MAP3K20: variants seen among roughly 807,000 people sequenced by gnomAD.
MAP3K20 encodes the protein HCCS-4.
Under a neutral mutation model 85.7 loss-of-function variants are expected in MAP3K20, and 40 were observed. The observed-to-expected ratio is 0.47, with a 90% CI of 0.36 to 0.61. The LOEUF (loss-of-function observed/expected upper bound fraction) is 0.61. MAP3K20 is among the 20% of genes least tolerant of loss of function. The pLI is 0.00. For synonymous variants in MAP3K20, 325 were observed against 327.7 expected (o/e 0.99, Z 0.09); for missense variants, 817 against 961.7 (o/e 0.85, Z 1.99).
chr2:173,098,143 C>T (rs181614875), intron 2 of MAP3K20, among the ~76,000 whole-genome samples: 1,833 of 152,222 alleles, frequency 0.012, 23 homozygotes, highest in Middle Eastern at 0.024. Flanking sequence ...GGGACCAATA[C>T]AAATAAAAAT....
chr2:173,200,773 C>T (rs13313780), intron 8 of MAP3K20, among the ~76,000 whole-genome samples: 1 of 151,882 alleles, frequency 6.6e-6, no homozygotes, highest in Non-Finnish European at 1.5e-5. Flanking sequence ...GCCTGGGTGA[C>T]AGAGTGACAC....
intron 11 of MAP3K20, chr2:173,225,199 G>A (rs907562792): frequency 2.1e-6 from 2 of 965,240 alleles, no homozygotes; most frequent in African/African-American, 1.8e-5. Flanking sequence ...TGGGGCTAGG[G>A]CACATTTTTG....
intron 1 of MAP3K20, among the ~76,000 whole-genome samples, chr2:173,076,538 C>G (rs1686867519): frequency 6.6e-6 from 1 of 152,266 alleles, no homozygotes; most frequent in South Asian, 2.1e-4. Flanking sequence ...AACTCGACCG[C>G]GAGCGGTGTT....
chr2:173,217,938 A>G (rs1338910540), intron 11 of MAP3K20, among the ~76,000 whole-genome samples: 2 of 152,220 alleles, frequency 1.3e-5, no homozygotes, highest in African/African-American at 4.8e-5. Context: ...TATATTATTC[A>G]AGTCTAATCA....
At chr2:173,133,710 C>CTG (rs142780253) in intron 2 of MAP3K20, among the ~76,000 whole-genome samples, 2 of 151,816 alleles carry the variant, frequency 1.3e-5, no homozygotes, top group African/African-American at 2.4e-5. Context: ...TCCGAGGCTC[C>CTG]TGTGTGTGTG....
chr2:173,221,065 C>T, intron 11 of MAP3K20: 2 of 1,213,840 alleles, frequency 1.6e-6, no homozygotes, highest in Non-Finnish European at 1.1e-6. Context: ...TGTGTAGTGC[C>T]AACTAATTTT....
At chr2:173,161,507 T>TA (rs1466058881) in intron 2 of MAP3K20, among the ~76,000 whole-genome samples, 2 of 152,212 alleles carry the variant, frequency 1.3e-5, no homozygotes, top group African/African-American at 2.4e-5. Flanking sequence ...TATCATCAAA[T>TA]ACTGTTCATT....
chr2:173,162,798 A>T (rs1263297328), intron 2 of MAP3K20, among the ~76,000 whole-genome samples: 1 of 152,088 alleles, frequency 6.6e-6, no homozygotes, highest in Admixed American at 6.6e-5. Context: ...ATTGACATTC[A>T]TGGGCAAAAG....
At chr2:173,138,860 C>T (rs944931637) in intron 2 of MAP3K20, among the ~76,000 whole-genome samples, 2 of 152,214 alleles carry the variant, frequency 1.3e-5, no homozygotes, top group Non-Finnish European at 2.9e-5. Flanking sequence ...GTACTTCTAT[C>T]AGCTAGGGCC....
chr2:173,174,857 A>G lies in MAP3K20; in HGVS notation c.247+4965A>G, dbSNP rs146034403. Among the ~76,000 whole-genome samples, 133 of 152,276 alleles carry G rather than the reference A, an allele frequency of 8.7e-4. 2 individuals are homozygous for G. Among genetic ancestry groups the G allele is most frequent in the African/African-American group, 3.2e-3 (131 of 41,542 alleles). ...TGTTTGAAATATCATGCTTTGGGGA[A>G]ATCTCTGTATTATACTATCTCTGGA... On this transcript the variant is annotated intron_variant, in intron 3 of 19. Coordinates refer to ENST00000375213, the MANE Select transcript of MAP3K20 (RefSeq NM_016653.3).
At chr2:173,162,792 ACATTCATGGG>A (rs1366950266) in intron 2 of MAP3K20, among the ~76,000 whole-genome samples, 4 of 152,070 alleles carry the variant, frequency 2.6e-5, no homozygotes, top group Admixed American at 2.6e-4. Context: ...GGAGTAATTG[ACATTCATGGG>A]CAAAAGAAGT....
intron 16 of MAP3K20, among the ~76,000 whole-genome samples, chr2:173,250,283 T>G (rs1240729806): frequency 6.6e-6 from 1 of 152,242 alleles, no homozygotes; most frequent in Non-Finnish European, 1.5e-5. Flanking sequence ...ATAAATACTT[T>G]CTTTTCAGCA....
intron 2 of MAP3K20, among the ~76,000 whole-genome samples, chr2:173,167,884 C>A (rs1689881709): frequency 6.6e-6 from 1 of 151,872 alleles, no homozygotes; most frequent in African/African-American, 2.4e-5. Flanking sequence ...ATTCAGGTGC[C>A]CCAAAGAATA....
At chr2:173,207,778 C>T (rs749248740) in intron 9 of MAP3K20, 7 of 151,046 alleles carry the variant, frequency 4.6e-5, no homozygotes, top group South Asian at 2.1e-4. Flanking sequence ...GAACCTAATC[C>T]GCTTCAGAGG....
Position 173,239,449 on chromosome 2 carries a change from C to G in MAP3K20, c.1312C>G (p.Leu438Val), listed in dbSNP as rs780688121. 6.2e-7 allele frequency: 1 copy of G among 1,613,436 alleles called. No individual in the cohort carries two copies. Among genetic ancestry groups the G allele is most frequent in the African/African-American group, 1.3e-5 (1 of 74,888 alleles). Residue 438 changes from leucine to valine, a missense_variant, in exon 16 of 20, where the codon CTG (leucine) becomes GTG (valine). Physicochemically the swap from Leu to Val is conservative, Grantham distance 32. This residue lies in a region of MAP3K20 where 454 missense variants were observed against 476.9 expected (regional missense o/e 0.95). Transcript: ENST00000375213. The part of the protein sequence containing the change: ...PEENEEKIVN[L>V]ELVFGFHLKP... ...AGAAAATGAGGAAAAAATAGTGAAC[C>G]TGGAACTGGTTTTTGGTTTTCACTT...
intron 14 of MAP3K20, among the ~76,000 whole-genome samples, chr2:173,236,124 G>C (rs912045687): frequency 6.6e-6 from 1 of 152,036 alleles, no homozygotes; most frequent in African/African-American, 2.4e-5. Context: ...AAATTAGCCA[G>C]GCATGTGGTG....
intron 8 of MAP3K20, among the ~76,000 whole-genome samples, chr2:173,202,084 T>C (rs942170445): frequency 6.6e-6 from 1 of 152,208 alleles, no homozygotes; most frequent in African/African-American, 2.4e-5. Flanking sequence ...ATTGCAATTA[T>C]AGTCTACTTT....
intron 2 of MAP3K20, among the ~76,000 whole-genome samples, chr2:173,123,370 T>A (rs1026745784): frequency 2.6e-5 from 4 of 152,194 alleles, no homozygotes; most frequent in African/African-American, 9.7e-5. Flanking sequence ...CCACTATATA[T>A]TAACAAGGGT....
At chr2:173,087,196 T>A (rs1687167942) in intron 1 of MAP3K20, among the ~76,000 whole-genome samples, 2 of 152,264 alleles carry the variant, frequency 1.3e-5, no homozygotes, top group South Asian at 4.1e-4. Context: ...GAATTTATAG[T>A]CTGGTGGGAA....
Sources: gnomAD v4.1 joint callset for allele counts (sites outside exome capture counted in the v4.1 genomes callset) on GRCh38, gnomAD v4.1.1 for gene constraint, gnomAD v4.1.1 regional missense constraint, MANE v1.5 for transcripts, NCBI Gene and HGNC (gene_info 2026-07-23, HGNC 2026-07-21) for gene names.